Variants in CSMD3 observed in about 807,000 individuals in gnomAD.
CSMD3 encodes CUB and Sushi multiple domains 3, also known as CUB and sushi domain-containing protein 3.
A neutral mutation model predicts 435.2 loss-of-function variants in CSMD3; 177 were observed. The observed-to-expected ratio is 0.41, with a 90% CI of 0.36 to 0.46. CSMD3 has a LOEUF of 0.46. CSMD3 is among the 20% of genes least tolerant of loss of function. The pLI, the probability that CSMD3 is intolerant of heterozygous loss-of-function variation, is 0.34. For missense variants in CSMD3, 4,265 were observed against 4,504.6 expected (o/e 0.95, Z 1.52); for synonymous variants, 1,656 against 1,520.5 (o/e 1.09, Z -2.07).
intron 7 of CSMD3, among the ~76,000 whole-genome samples, chr8:112,955,358 T>G (rs1564145996): frequency 1.3e-5 from 2 of 151,752 alleles, no homozygotes; most frequent in Non-Finnish European, 3.0e-5. Context: ...ACAGCTATTT[T>G]GAGCCCATCT....
At chr8:112,539,795 C>A (rs1194973512) in intron 27 of CSMD3, among the ~76,000 whole-genome samples, 2 of 152,026 alleles carry the variant, frequency 1.3e-5, no homozygotes, top group Non-Finnish European at 2.9e-5. Flanking sequence ...ATCTATGAAA[C>A]TACCAGAAGA....
intron 38 of CSMD3, among the ~76,000 whole-genome samples, chr8:112,371,944 A>G (rs1828436377): frequency 6.6e-6 from 1 of 152,054 alleles, no homozygotes; most frequent in Non-Finnish European, 1.5e-5. Flanking sequence ...ACACACACTC[A>G]CAAATGACAG....
In CSMD3 at chr8:113,340,139, C is replaced by T. The variant is rs562266528; in HGVS notation, c.179-25346G>A. Among the ~76,000 whole-genome samples, 6 of 151,618 alleles carry T rather than the reference C, an allele frequency of 4.0e-5. No homozygotes were observed. The South Asian group carries it at 1.2e-3, about 32-fold the overall frequency. ...TGTTCCTTTTATGTCATTGTTTTTG[C>T]CTTCTCTTAATCAAGTAGGTGTTTT... On this transcript the variant is annotated intron_variant, in intron 1 of 70. Transcript: ENST00000297405.
At chr8:112,701,318 C>T (rs1330316403) in intron 13 of CSMD3, among the ~76,000 whole-genome samples, 1 of 152,170 alleles carries the variant, frequency 6.6e-6, no homozygotes. Flanking sequence ...ATACTATAAT[C>T]ATTTTAACTC....
Position 112,314,617 on chromosome 8 carries a change from A to G in CSMD3, c.7361T>C (p.Val2454Ala), listed in dbSNP as rs774813422. Residue 2454 changes from valine to alanine, a missense_variant and splice_region_variant, in exon 48 of 71, where the codon GTG (valine) becomes GCG (alanine). Transcript: ENST00000297405. ...CCGTAATTCATTGGCAGGACAGAGCACTGTCAAAGAAAAATGTCATTAAAT... is the reference window on the plus strand; with the variant it reads ...CCGTAATTCATTGGCAGGACAGAGCGCTGTCAAAGAAAAATGTCATTAAAT... ...QMDGAPPVCQ[V>A]LCPANELRLD... The G allele has an allele frequency of 2.5e-6, 4 of 1,608,278 alleles. No homozygotes were observed. In the East Asian group the frequency reaches 8.9e-5, roughly 36 times the overall value.
intron 32 of CSMD3, among the ~76,000 whole-genome samples, chr8:112,411,439 C>A (rs1004731346): frequency 1.3e-5 from 2 of 151,824 alleles, no homozygotes; most frequent in Admixed American, 1.3e-4. Flanking sequence ...TAAAAGCAAT[C>A]AACTCTGCAT....
At chr8:112,350,949 G>A (rs560194293) in intron 40 of CSMD3, among the ~76,000 whole-genome samples, 2 of 151,768 alleles carry the variant, frequency 1.3e-5, no homozygotes, top group Admixed American at 1.3e-4. Context: ...TGATACTGAA[G>A]TTGAGGATAA....
rs910099640 is a variant in CSMD3 at position 112,689,965 on chromosome 8, T to G, written c.2058A>C (p.Leu686Phe). 1.2e-6 allele frequency: 2 copies of G among 1,613,092 alleles called. No homozygotes were observed. Among genetic ancestry groups the G allele is most frequent in the African/African-American group, 2.7e-5 (2 of 74,868 alleles). Residue 686 changes from leucine to phenylalanine, a missense_variant, in exon 14 of 71, where the codon TTA (leucine) becomes TTC (phenylalanine). Physicochemically the swap from Leu to Phe is conservative, Grantham distance 22. Transcript: ENST00000297405. ...CAAACCCAAACTGGCATTCAAACCT[T>G]AAAACATCACGATTAGAAAATCCAT... ...EGDGFSNRDV[L>F]RFECQFGFEL...
chr8:113,033,407 A>T (rs886822181), intron 5 of CSMD3, among the ~76,000 whole-genome samples: 4 of 151,570 alleles, frequency 2.6e-5, no homozygotes, highest in African/African-American at 9.7e-5. Flanking sequence ...CAGTCAAAGG[A>T]GATGATTTAG....
intron 10 of CSMD3, among the ~76,000 whole-genome samples, chr8:112,862,927 A>T (rs934405092): frequency 2.0e-5 from 3 of 152,092 alleles, no homozygotes; most frequent in African/African-American, 7.2e-5. Flanking sequence ...TGCTTTTGTC[A>T]TTCTGTCAGG....
intron 22 of CSMD3, among the ~76,000 whole-genome samples, chr8:112,602,906 C>T (rs564926855): frequency 1.3e-5 from 2 of 152,232 alleles, no homozygotes; most frequent in East Asian, 1.9e-4. Context: ...AAGCAATTCA[C>T]ATTTTTGGGT....
chr8:113,118,891 T>C (rs949106350), intron 4 of CSMD3, among the ~76,000 whole-genome samples: 1 of 152,142 alleles, frequency 6.6e-6, no homozygotes, highest in Non-Finnish European at 1.5e-5. Flanking sequence ...AGATTTCATT[T>C]CGCTCTTGCT....
chr8:112,229,551 C>G (rs954521322), intron 69 of CSMD3, among the ~76,000 whole-genome samples: 1 of 152,120 alleles, frequency 6.6e-6, no homozygotes, highest in Non-Finnish European at 1.5e-5. Context: ...GCCTCAGCCT[C>G]CCAAGTAGCT....
intron 28 of CSMD3, among the ~76,000 whole-genome samples, chr8:112,513,712 G>T (rs971315906): frequency 6.6e-6 from 1 of 152,084 alleles, no homozygotes; most frequent in Non-Finnish European, 1.5e-5. Flanking sequence ...AATATCTGTG[G>T]CATGCAATAA....
At chr8:112,990,369 T>C (rs1200214084) in intron 6 of CSMD3, among the ~76,000 whole-genome samples, 2 of 151,810 alleles carry the variant, frequency 1.3e-5, no homozygotes, top group Admixed American at 6.6e-5. Flanking sequence ...TTGTGAGAAA[T>C]AATGAAGCGT....
chr8:113,013,470 G>C (rs1490133344), intron 6 of CSMD3, among the ~76,000 whole-genome samples: 1 of 152,078 alleles, frequency 6.6e-6, no homozygotes, highest in East Asian at 1.9e-4. Flanking sequence ...GAGAACAAAT[G>C]AGATCGGGCG....
intron 13 of CSMD3, among the ~76,000 whole-genome samples, chr8:112,769,547 C>T (rs1403624126): frequency 2.0e-5 from 3 of 151,950 alleles, no homozygotes; most frequent in East Asian, 1.9e-4. Context: ...TTATGAATAC[C>T]ATGAAAATAT....
intron 3 of CSMD3, among the ~76,000 whole-genome samples, chr8:113,263,254 A>G (rs745686785): frequency 3.3e-5 from 5 of 152,042 alleles, no homozygotes; most frequent in Non-Finnish European, 5.9e-5. Context: ...AGAAATTATT[A>G]TAACTGCAAA....
chr8:112,766,766 A>C (rs1229678730), intron 13 of CSMD3, among the ~76,000 whole-genome samples: 1 of 151,884 alleles, frequency 6.6e-6, no homozygotes, highest in East Asian at 1.9e-4. Context: ...GAGAAGCAGC[A>C]GCAGAGAAAC....
Sources: gnomAD v4.1 joint callset for allele counts (sites outside exome capture counted in the v4.1 genomes callset) on GRCh38, gnomAD v4.1.1 for gene constraint, MANE v1.5 for transcripts, NCBI Gene and HGNC (gene_info 2026-07-23, HGNC 2026-07-21) for gene names.